Variants in SYT2 observed in about 807,000 individuals in gnomAD.
The protein encoded by SYT2 is synaptotagmin 2, also known as synaptotagmin-2.
SYT2 carries 15 observed loss-of-function variants against 39.9 expected under a neutral mutation model. The ratio of observed to expected loss-of-function variants is 0.38; its 90% CI spans 0.25 to 0.58. The LOEUF (loss-of-function observed/expected upper bound fraction) is 0.58. Ranked by LOEUF, SYT2 falls within the 20% of genes least tolerant of loss-of-function variation. The probability of loss-of-function intolerance (pLI) is 0.70; values close to 1 mark genes in which losing one functional copy is unlikely to be tolerated. For missense variants in SYT2, 389 were observed against 530.3 expected (o/e 0.73, Z 2.62); for synonymous variants, 181 against 204.5 (o/e 0.89, Z 0.98).
chr1:202,594,059 G>A lies in SYT2; in HGVS notation c.*2698C>T, dbSNP rs1285344612. ...ACAAGCAGAAGCATGTTCCCACCAA[G>A]CCCATGGACCAAGACAGATGCCATC... is the stretch of plus-strand genomic sequence containing the variant. On this transcript the variant is annotated 3_prime_UTR_variant, in exon 9 of 9. Transcript: ENST00000367268. 6.6e-6 allele frequency: 1 copy of A among 152,184 alleles called. No individual in the cohort carries two copies. The highest frequency in any genetic ancestry group is 1.5e-5 in the Non-Finnish European group (1 of 68,108). 9.4% of individuals were successfully genotyped at this position (152,184 alleles called of 1,614,324 possible). A position where few individuals can be genotyped will look rare whatever the true frequency, so the allele number is the denominator to read the frequency against.
At chr1:202,702,340 T>C (rs1654142346) in intron 1 of SYT2, among the ~76,000 whole-genome samples, 1 of 152,212 alleles carries the variant, frequency 6.6e-6, no homozygotes, top group African/African-American at 2.4e-5. Context: ...TCAGCTGTGC[T>C]TCCCCCTTCG....
chr1:202,592,796 G>GA lies in SYT2; in HGVS notation c.*3960dup, dbSNP rs1690171666. On this transcript the variant is annotated 3_prime_UTR_variant, in exon 9 of 9. Coordinates refer to ENST00000367268, the MANE Select transcript of SYT2 (RefSeq NM_177402.5). Reference sequence around the variant, plus strand: ...CCCCTTGGGACCAAAGGGAGAGGGGGAAAAGTCATAGGGTAGGGTTCCCAG... The same window carrying GA: ...CCCCTTGGGACCAAAGGGAGAGGGGGAAAAAGTCATAGGGTAGGGTTCCCAG... 1 of 152,216 alleles carries GA rather than the reference G, an allele frequency of 6.6e-6. No homozygotes were observed. The highest frequency in any genetic ancestry group is 2.4e-5 in the African/African-American group (1 of 41,458). 9.4% of individuals were successfully genotyped at this position (152,216 alleles called of 1,614,324 possible). A position where few individuals can be genotyped will look rare whatever the true frequency, so the allele number is the denominator to read the frequency against.
At chr1:202,709,390 C>T (rs1654335103) in intron 1 of SYT2, among the ~76,000 whole-genome samples, 1 of 152,182 alleles carries the variant, frequency 6.6e-6, no homozygotes, top group Non-Finnish European at 1.5e-5. Context: ...ATGAGGGGGC[C>T]TGGCTTAGTG....
At chr1:202,638,186 G>A (rs1034964134) in intron 1 of SYT2, among the ~76,000 whole-genome samples, 1 of 152,240 alleles carries the variant, frequency 6.6e-6, no homozygotes, top group African/African-American at 2.4e-5. Flanking sequence ...GCAGACGGCA[G>A]CTGCTACAGG....
intron 6 of SYT2, among the ~76,000 whole-genome samples, 179 bp from the exon 7 acceptor site, chr1:202,600,653 A>G (rs973541302): frequency 6.6e-6 from 1 of 152,208 alleles, no homozygotes; most frequent in African/African-American, 2.4e-5. Context: ...GGTCCCCCTG[A>G]TGCAGTGCAA....
At chr1:202,670,310 T>C (rs1047782645) in intron 1 of SYT2, among the ~76,000 whole-genome samples, 3 of 152,166 alleles carry the variant, frequency 2.0e-5, no homozygotes, top group Admixed American at 2.0e-4. Context: ...CAAGACAGCA[T>C]GGGATTGCAG....
At chr1:202,633,682 C>T (rs1365676687) in intron 1 of SYT2, among the ~76,000 whole-genome samples, 1 of 152,156 alleles carries the variant, frequency 6.6e-6, no homozygotes, top group African/African-American at 2.4e-5. Context: ...TCAATTGTTA[C>T]AGCCTCTAAC....
At chr1:202,607,973 A>C (rs184500909) in intron 1 of SYT2, among the ~76,000 whole-genome samples, 2 of 152,330 alleles carry the variant, frequency 1.3e-5, no homozygotes, top group Admixed American at 1.3e-4. Flanking sequence ...GTATTCACAG[A>C]ATAGTGGAAC....
intron 1 of SYT2, among the ~76,000 whole-genome samples, chr1:202,659,225 C>T (rs1356004239): frequency 6.6e-6 from 1 of 152,176 alleles, no homozygotes; most frequent in Non-Finnish European, 1.5e-5. Flanking sequence ...TGCACACATG[C>T]TACCTCTGTC....
intron 1 of SYT2, among the ~76,000 whole-genome samples, chr1:202,643,057 T>C (rs113099633): frequency 0.043 from 6,521 of 152,304 alleles, 194 homozygotes; most frequent in African/African-American, 0.088. Context: ...CCGACGCCCA[T>C]GGATTTCCGG....
intron 1 of SYT2, among the ~76,000 whole-genome samples, chr1:202,656,128 A>G (rs771494248): frequency 4.8e-3 from 452 of 93,774 alleles, no homozygotes; most frequent in Non-Finnish European, 6.8e-3. Context: ...TTTGGAACGC[A>G]CACACACACA....
chr1:202,657,767 C>T (rs535514977), intron 1 of SYT2, among the ~76,000 whole-genome samples: 1 of 152,212 alleles, frequency 6.6e-6, no homozygotes, highest in South Asian at 2.1e-4. Context: ...CACTGGAAGC[C>T]AGCAGGTGGG....
intron 1 of SYT2, among the ~76,000 whole-genome samples, chr1:202,643,907 G>A (rs1308675427): frequency 2.0e-5 from 3 of 152,220 alleles, no homozygotes; most frequent in Non-Finnish European, 4.4e-5. Flanking sequence ...CAGCCTCTCG[G>A]TTCGGGGGAT....
intron 1 of SYT2, among the ~76,000 whole-genome samples, chr1:202,606,237 G>A (rs1690704111): frequency 6.6e-6 from 1 of 152,124 alleles, no homozygotes; most frequent in Admixed American, 6.5e-5. Flanking sequence ...GTTCAGAGAG[G>A]TTAGATAGTT....
chr1:202,596,740 G>A lies in SYT2; in HGVS notation c.*17C>T, dbSNP rs200863770. 989 of 1,608,598 alleles carry A rather than the reference G, an allele frequency of 6.1e-4. 18 individuals carry two copies. In the South Asian group the frequency reaches 9.9e-3, roughly 16 times the overall value. On this transcript the variant is annotated 3_prime_UTR_variant, in exon 9 of 9. Coordinates refer to ENST00000367268, the MANE Select transcript of SYT2 (RefSeq NM_177402.5). ...TGTCAGTGTCCGTGAAAGGTGTGGG[G>A]TCCCAGCCGCTGCTGTCTACTTGTT...
chr1:202,700,986 T>C (rs552794214), intron 1 of SYT2, among the ~76,000 whole-genome samples: 1 of 152,368 alleles, frequency 6.6e-6, no homozygotes, highest in South Asian at 2.1e-4. Context: ...TGTGACATCA[T>C]TCATTTATCA....
At chr1:202,645,393 C>G (rs3892242) in intron 1 of SYT2, among the ~76,000 whole-genome samples, 2,829 of 152,260 alleles carry the variant, frequency 0.019, 45 homozygotes, top group Non-Finnish European at 0.021. Flanking sequence ...TTTGCTAGGA[C>G]GAGGGAGGAT....
intron 1 of SYT2, among the ~76,000 whole-genome samples, chr1:202,706,690 T>C (rs955902193): frequency 2.6e-5 from 4 of 152,216 alleles, no homozygotes; most frequent in Non-Finnish European, 4.4e-5. Flanking sequence ...ATATTATTTA[T>C]CACAGGCTTC....
chr1:202,650,891 T>C (rs1480067548), intron 1 of SYT2, among the ~76,000 whole-genome samples: 1 of 151,572 alleles, frequency 6.6e-6, no homozygotes, highest in East Asian at 1.9e-4. Flanking sequence ...GAAAGGCGGG[T>C]GTTTCAGGCA....
Sources: gnomAD v4.1 joint callset for allele counts (sites outside exome capture counted in the v4.1 genomes callset) on GRCh38, gnomAD v4.1.1 for gene constraint, MANE v1.5 for transcripts, NCBI Gene and HGNC (gene_info 2026-07-23, HGNC 2026-07-21) for gene names.